The following FOXJ3 variants were observed in gnomAD, a reference collection of about 807,000 sequenced individuals.
FOXJ3 encodes the protein forkhead box J3.
Under a neutral mutation model 76.1 loss-of-function variants are expected in FOXJ3, and 22 were observed. The ratio of observed to expected loss-of-function variants is 0.29; its 90% CI spans 0.21 to 0.41. The LOEUF (loss-of-function observed/expected upper bound fraction) is 0.41, where lower values mean the gene tolerates loss of function less well. Among genes scored for constraint, FOXJ3 ranks in the 10% least tolerant of loss-of-function variants. The pLI, the probability that FOXJ3 is intolerant of heterozygous loss-of-function variation, is 1.00. For missense variants in FOXJ3, 613 were observed against 762.1 expected (o/e 0.80, Z 2.30); for synonymous variants, 269 against 261.2 (o/e 1.03, Z -0.29).
At position 42,319,185 on chromosome 1, in the gene FOXJ3, G is replaced by A. The variant is rs74500139; in HGVS notation, c.-17-8075C>T. ...GTGGAGGCTGCAGTGAGCTGTGATCGTGTCACTGCTTTCCAGCTCAGCGAC... is the reference window on the plus strand; with the variant it reads ...GTGGAGGCTGCAGTGAGCTGTGATCATGTCACTGCTTTCCAGCTCAGCGAC... On this transcript the variant is annotated intron_variant, in intron 1 of 12. Transcript: ENST00000361346. 6.0e-3 allele frequency among the ~76,000 whole-genome samples: 906 copies of A among 152,136 alleles called. 5 individuals are homozygous for A. The highest frequency in any genetic ancestry group is 0.01 in the Non-Finnish European group (681 of 68,014).
chr1:42,274,289 C>T (rs1037546379), intron 3 of FOXJ3, among the ~76,000 whole-genome samples: 4 of 152,120 alleles, frequency 2.6e-5, no homozygotes, highest in East Asian at 1.9e-4. Flanking sequence ...AAGTTTTATT[C>T]GGTATATCCT....
intron 4 of FOXJ3, among the ~76,000 whole-genome samples, chr1:42,239,471 A>AT (rs1047872541): frequency 6.6e-5 from 10 of 151,036 alleles, no homozygotes; most frequent in South Asian, 2.1e-4. Context: ...ACATGGTATG[A>AT]TTTTTTTTAG....
intron 2 of FOXJ3, among the ~76,000 whole-genome samples, chr1:42,293,015 T>C (rs933120995): frequency 1.3e-5 from 2 of 152,088 alleles, no homozygotes; most frequent in East Asian, 3.9e-4. Flanking sequence ...ACAAGACGAT[T>C]GCTTGAGCCT....
At chr1:42,219,025 T>C (rs1210463685) in intron 5 of FOXJ3, among the ~76,000 whole-genome samples, 8 of 152,328 alleles carry the variant, frequency 5.3e-5, no homozygotes, top group Admixed American at 4.6e-4. Context: ...AGTTATAACA[T>C]ACAACTTTAA....
At chr1:42,218,419 G>T (rs1251761319) in intron 5 of FOXJ3, among the ~76,000 whole-genome samples, 1 of 152,182 alleles carries the variant, frequency 6.6e-6, no homozygotes, top group Non-Finnish European at 1.5e-5. Flanking sequence ...TCAGGAAAAA[G>T]TAATGTGTAT....
At chr1:42,325,711 A>G (rs1655794197) in intron 1 of FOXJ3, among the ~76,000 whole-genome samples, 1 of 152,210 alleles carries the variant, frequency 6.6e-6, no homozygotes, top group Admixed American at 6.5e-5. Context: ...TTGGAGTGCT[A>G]TTTCTAGATC....
At chr1:42,315,660 C>T (rs542964186) in intron 1 of FOXJ3, among the ~76,000 whole-genome samples, 5 of 152,298 alleles carry the variant, frequency 3.3e-5, no homozygotes, top group Non-Finnish European at 7.4e-5. Context: ...AGTCTTCTCC[C>T]TACCCAGGCA....
At chr1:42,264,940 C>A in intron 4 of FOXJ3, 175 bp downstream of exon 4, 1 of 633,072 alleles carries the variant, frequency 1.6e-6, no homozygotes, top group South Asian at 1.8e-5. Flanking sequence ...TGTGCAACAG[C>A]TATACACTAG....
At chr1:42,203,610 T>TTCAA (rs1239604996) in intron 6 of FOXJ3, among the ~76,000 whole-genome samples, 1 of 151,924 alleles carries the variant, frequency 6.6e-6, no homozygotes, top group East Asian at 1.9e-4. Context: ...TCTGTGAGAG[T>TTCAA]GTTGAATTTT....
chr1:42,290,144 C>T (rs1045827831), intron 2 of FOXJ3, among the ~76,000 whole-genome samples: 2 of 152,016 alleles, frequency 1.3e-5, no homozygotes, highest in African/African-American at 4.8e-5. Flanking sequence ...ATTCACTCAA[C>T]TCTGAACTTT....
intron 5 of FOXJ3, among the ~76,000 whole-genome samples, chr1:42,212,092 A>G (rs1001251076): frequency 6.6e-6 from 1 of 152,152 alleles, no homozygotes; most frequent in African/African-American, 2.4e-5. Flanking sequence ...CATCTCTACT[A>G]AAAATACAAA....
At chr1:42,231,169 A>T (rs918703113) in intron 4 of FOXJ3, among the ~76,000 whole-genome samples, 18 of 146,498 alleles carry the variant, frequency 1.2e-4, no homozygotes, top group Admixed American at 1.2e-3. Context: ...AAAAAAAAAT[A>T]CAAAAAATTA....
chr1:42,256,490 C>G (rs1650595315), intron 4 of FOXJ3, among the ~76,000 whole-genome samples: 1 of 151,716 alleles, frequency 6.6e-6, no homozygotes, highest in South Asian at 2.1e-4. Flanking sequence ...ATATCAACAG[C>G]CATCAGGAAA....
In FOXJ3 at chr1:42,189,293, C is replaced by T; in HGVS notation, c.1453+10G>A. 6.4e-7 allele frequency: 1 copy of T among 1,567,996 alleles called. No homozygotes were observed. Among genetic ancestry groups the T allele is most frequent in the Non-Finnish European group, 8.8e-7 (1 of 1,138,502 alleles). On this transcript the variant is annotated intron_variant, in intron 10 of 12. Coordinates refer to ENST00000361346, the MANE Select transcript of FOXJ3 (RefSeq NM_014947.5). Reference sequence around the variant, plus strand: ...TATTTGGTTATATGTCAAAAAGAACCAACACTCACCTTGAAACTGTGAAAG... The same window carrying T: ...TATTTGGTTATATGTCAAAAAGAACTAACACTCACCTTGAAACTGTGAAAG...
At position 42,322,063 on chromosome 1, in the gene FOXJ3, GA is replaced by G. The variant is rs1008416359; in HGVS notation, c.-17-10954del. Among the ~76,000 whole-genome samples, 573 of 148,664 alleles carry G rather than the reference GA, an allele frequency of 3.9e-3. 6 individuals are homozygous for G. The highest frequency in any genetic ancestry group is 0.013 in the African/African-American group (547 of 40,562). On this transcript the variant is annotated intron_variant, in intron 1 of 12. Coordinates refer to ENST00000361346, the MANE Select transcript of FOXJ3 (RefSeq NM_014947.5). Reference sequence around the variant, plus strand: ...AAATGATGGCTGAATTGTCATAAAAGAAAAAAAAAATCTAGCAGATATTTCA... The same window carrying G: ...AAATGATGGCTGAATTGTCATAAAAGAAAAAAAAATCTAGCAGATATTTCA...
rs370376279 is a variant in FOXJ3 at position 42,276,288 on chromosome 1, G to A, written c.369+2060C>T. Among the ~76,000 whole-genome samples the A allele has an allele frequency of 2.6e-5, 4 of 152,070 alleles. No homozygotes were observed. The East Asian group carries it at 7.7e-4, about 29-fold the overall frequency. On this transcript the variant is annotated intron_variant, in intron 3 of 12. Transcript: ENST00000361346. ...GGAGAATTGCTTGAACCCAGGAGAC[G>A]GAGGTTACAGTGAGCCGACATGGTG...
chr1:42,228,561 C>T lies in FOXJ3; in HGVS notation c.445-595G>A, dbSNP rs566131367. Among the ~76,000 whole-genome samples, 466 of 83,408 alleles carry T rather than the reference C, an allele frequency of 5.6e-3. 3 individuals are homozygous for T. The highest frequency in any genetic ancestry group is 0.016 in the Middle Eastern group (3 of 186). The allele number at this position is 83,408 out of a possible 152,430, so 54.7% of individuals were successfully genotyped here. Reference sequence around the variant, plus strand: ...TGTTCCAGGTACTCAGAAACTGTGACTCTCCAAAAAAAAAAAAAAAACTTT... The same window carrying T: ...TGTTCCAGGTACTCAGAAACTGTGATTCTCCAAAAAAAAAAAAAAAACTTT... On this transcript the variant is annotated intron_variant, in intron 4 of 12. Coordinates refer to ENST00000361346, the MANE Select transcript of FOXJ3 (RefSeq NM_014947.5).
chr1:42,223,543 TA>T (rs1647314911), intron 5 of FOXJ3, among the ~76,000 whole-genome samples: 1 of 152,200 alleles, frequency 6.6e-6, no homozygotes, highest in Non-Finnish European at 1.5e-5. Context: ...GAACATCCTT[TA>T]GCATTTTCTA....
chr1:42,285,781 T>C (rs1401375967), intron 2 of FOXJ3, among the ~76,000 whole-genome samples: 1 of 152,254 alleles, frequency 6.6e-6, no homozygotes, highest in Non-Finnish European at 1.5e-5. Flanking sequence ...CAGGATTTTA[T>C]GATCAATATG....
Sources: allele counts gnomAD v4.1 joint callset (sites outside exome capture counted in the v4.1 genomes callset), GRCh38; gene constraint gnomAD v4.1.1; transcripts MANE v1.5; gene names NCBI Gene and HGNC (gene_info 2026-07-23, HGNC 2026-07-21).